Variants in GET1 observed in about 807,000 individuals in gnomAD.
GET1 encodes the protein guided entry of tail-anchored proteins factor 1, also known as congenital heart disease 5 protein.
Under a neutral mutation model 22.6 loss-of-function variants are expected in GET1, and 20 were observed. The observed-to-expected ratio is 0.89, with a 90% CI of 0.62 to 1.29. The LOEUF is 1.29. Among genes scored for constraint, GET1 ranks in the 50% most tolerant of loss-of-function variants. The pLI, the probability that GET1 is intolerant of heterozygous loss-of-function variation, is 0.00. For missense variants in GET1, 209 were observed against 219.9 expected (o/e 0.95, Z 0.31); for synonymous variants, 92 against 83.8 (o/e 1.10, Z -0.53).
intron 1 of GET1, among the ~76,000 whole-genome samples, chr21:39,420,340 G>A (rs951735058): frequency 2.0e-5 from 3 of 151,978 alleles, no homozygotes; most frequent in East Asian, 1.9e-4. Context: ...TGGCCAACAC[G>A]GCAAAAGCCC....
chr21:39,428,284 GTC>G (rs761788210), exon 2 of GET1: 42 of 1,610,466 alleles, frequency 2.6e-5, no homozygotes, highest in Non-Finnish European at 3.3e-5. Context: ...CACAGAGAAA[GTC>G]TTCTGAATAA....
rs149253441 is a variant in GET1, at chr21:39,427,405, G to A, written c.*24-827G>A. 5.4e-3 allele frequency among the ~76,000 whole-genome samples: 817 copies of A among 152,304 alleles called. 9 individuals are homozygous for A. The highest frequency in any genetic ancestry group is 0.018 in the African/African-American group (765 of 41,580). The stretch of plus-strand genomic sequence containing the variant: ...GAGCCGGGCGCGGTGGCTCACGCCT[G>A]TAATCCCAGCACTTTGGGAGGCCGA... On this transcript the variant is annotated intron_variant, in intron 1 of 1. Coordinates refer to the GET1 transcript ENST00000478273.
At chr21:39,413,547 T>A (rs967417685) in intron 1 of GET1, among the ~76,000 whole-genome samples, 60 of 152,326 alleles carry the variant, frequency 3.9e-4, no homozygotes, top group South Asian at 8.3e-4. Flanking sequence ...ATTAGTTTAT[T>A]ATCAGAGGTA....
intron 1 of GET1, among the ~76,000 whole-genome samples, chr21:39,381,981 C>T (rs1373122521): frequency 6.6e-6 from 1 of 151,866 alleles, no homozygotes; most frequent in East Asian, 1.9e-4. Context: ...TCAAGCCATC[C>T]ACCCATCCTG....
At chr21:39,403,395 C>G (rs904522376) in intron 4 of GET1, among the ~76,000 whole-genome samples, 2 of 149,286 alleles carry the variant, frequency 1.3e-5, no homozygotes, top group African/African-American at 5.0e-5. Context: ...GGTGCGATCT[C>G]GGCTCACTGC....
intron 4 of GET1, chr21:39,405,736 C>T (rs747281653): frequency 2.4e-5 from 13 of 543,890 alleles, no homozygotes; most frequent in Non-Finnish European, 3.0e-5. Context: ...GATTAGCAAT[C>T]AAACAAAAAT....
chr21:39,428,131 T>A (rs764599672), intron 1 of GET1: 1 of 1,150,078 alleles, frequency 8.7e-7, no homozygotes, highest in Non-Finnish European at 1.3e-6. Context: ...AACATCATTA[T>A]GACAGAAATT....
intron 3 of GET1, among the ~76,000 whole-genome samples, chr21:39,392,529 A>G (rs2038372532): frequency 6.6e-6 from 1 of 152,170 alleles, no homozygotes; most frequent in African/African-American, 2.4e-5. Flanking sequence ...TTCCGCAGAC[A>G]AAGGAGTTAG....
chr21:39,428,165 T>G, intron 1 of GET1: 2 of 1,529,556 alleles, frequency 1.3e-6, no homozygotes, highest in South Asian at 2.5e-5. Flanking sequence ...GAAATTTTAC[T>G]CCTTACCTTT....
chr21:39,403,354 T>C (rs1173416514), intron 4 of GET1, among the ~76,000 whole-genome samples: 3 of 152,200 alleles, frequency 2.0e-5, no homozygotes, highest in East Asian at 3.8e-4. Context: ...TGACACGGAG[T>C]CTCGCTCTGT....
intron 1 of GET1, chr21:39,387,868 G>C (rs988648110): frequency 1.0e-6 from 1 of 980,932 alleles, no homozygotes; most frequent in Admixed American, 6.2e-5. Context: ...AAGCTGGAAG[G>C]GGGAGGGGGG....
intron 1 of GET1, among the ~76,000 whole-genome samples, chr21:39,426,407 C>T (rs1429170532): frequency 6.6e-6 from 1 of 152,140 alleles, no homozygotes; most frequent in Non-Finnish European, 1.5e-5. Flanking sequence ...TGCATGATCC[C>T]ACAAAAGCTT....
intron 1 of GET1, among the ~76,000 whole-genome samples, chr21:39,423,735 C>G (rs2074137169): frequency 6.6e-6 from 1 of 152,156 alleles, no homozygotes; most frequent in African/African-American, 2.4e-5. Context: ...TATTTTATAG[C>G]TGGAGATTTT....
chr21:39,381,022 A>G, intron 1 of GET1: 4 of 887,790 alleles, frequency 4.5e-6, no homozygotes, highest in Non-Finnish European at 5.4e-6. Context: ...TCTTTCTGCC[A>G]GGTAGTGAGT....
chr21:39,383,319 T>C (rs1387180968), intron 1 of GET1, among the ~76,000 whole-genome samples: 1 of 151,728 alleles, frequency 6.6e-6, no homozygotes, highest in Non-Finnish European at 1.5e-5. Context: ...CTTGCTCTTG[T>C]TGCCCAGGCT....
chr21:39,387,173 A>G (rs1013903649), intron 1 of GET1, among the ~76,000 whole-genome samples: 2 of 152,192 alleles, frequency 1.3e-5, no homozygotes, highest in Non-Finnish European at 2.9e-5. Flanking sequence ...TATTGTGCTT[A>G]TACATGTAAT....
chr21:39,400,729 T>G (rs2038818248), downstream of GET1, among the ~76,000 whole-genome samples: 1 of 152,174 alleles, frequency 6.6e-6, no homozygotes, highest in Non-Finnish European at 1.5e-5. Flanking sequence ...TCGGCTTTCC[T>G]GCATGCATCT....
At chr21:39,427,643 CCA>C (rs1198529976) in intron 1 of GET1, 1 of 146,176 alleles carries the variant, frequency 6.8e-6, no homozygotes, top group African/African-American at 2.6e-5. Flanking sequence ...GCCTGGGTAA[CCA>C]GAGCAAGACT....
At chr21:39,395,368 A>G (rs893590478) in intron 4 of GET1, among the ~76,000 whole-genome samples, 1 of 146,942 alleles carries the variant, frequency 6.8e-6, no homozygotes, top group Non-Finnish European at 1.5e-5. Flanking sequence ...AGGAATGACT[A>G]TTTTTTTTTT....
Sources: allele counts gnomAD v4.1 joint callset (sites outside exome capture counted in the v4.1 genomes callset), GRCh38; gene constraint gnomAD v4.1.1; transcripts MANE v1.5; gene names NCBI Gene and HGNC (gene_info 2026-07-23, HGNC 2026-07-21).